The following MTHFD1 variants were observed in gnomAD, a reference collection of about 807,000 sequenced individuals.
MTHFD1 encodes methylenetetrahydrofolate dehydrogenase, cyclohydrolase and formyltetrahydrofolate synthetase 1.
A neutral mutation model predicts 110.3 loss-of-function variants in MTHFD1; 44 were observed. The observed-to-expected ratio is 0.40, with a 90% CI of 0.31 to 0.51. The LOEUF (loss-of-function observed/expected upper bound fraction) is 0.51. Ranked by LOEUF, MTHFD1 falls within the 20% of genes least tolerant of loss-of-function variation. The probability of loss-of-function intolerance (pLI) is 0.60; values close to 1 mark genes in which losing one functional copy is unlikely to be tolerated. For missense variants in MTHFD1, 909 were observed against 1,173.1 expected, an observed-to-expected ratio of 0.77 and a Z score of 3.29; for synonymous variants, 402 against 428.8, an observed-to-expected ratio of 0.94 and a Z score of 0.77.
intron 16 of MTHFD1, among the ~76,000 whole-genome samples, chr14:64,437,551 T>G (rs2078215710): frequency 6.6e-6 from 1 of 152,198 alleles, no homozygotes; most frequent in Admixed American, 6.5e-5. Context: ...AACTCAATTC[T>G]GACACTAACT....
intron 1 of MTHFD1, among the ~76,000 whole-genome samples, chr14:64,394,259 G>T (rs2077829688): frequency 6.6e-6 from 1 of 152,036 alleles, no homozygotes. Context: ...TAAGTGACTT[G>T]CCCAGGTGTT....
At chr14:64,409,919 G>A (rs759856764) in intron 2 of MTHFD1, among the ~76,000 whole-genome samples, 9 of 152,144 alleles carry the variant, frequency 5.9e-5, no homozygotes, top group Non-Finnish European at 1.2e-4. Flanking sequence ...CCATGGTCCT[G>A]TTAAAAGGAG....
At chr14:64,436,554 T>G (rs2140971801) in intron 16 of MTHFD1, among the ~76,000 whole-genome samples, 1 of 152,356 alleles carries the variant, frequency 6.6e-6, no homozygotes, top group East Asian at 1.9e-4. Flanking sequence ...GATTTCACTT[T>G]GCATCAACAA....
intron 2 of MTHFD1, among the ~76,000 whole-genome samples, chr14:64,409,361 A>G (rs1253555848): frequency 6.6e-6 from 1 of 152,246 alleles, no homozygotes; most frequent in Non-Finnish European, 1.5e-5. Context: ...TACTTGAAAC[A>G]TGAATGAAGA....
chr14:64,411,772 A>G (rs911238173), intron 3 of MTHFD1, among the ~76,000 whole-genome samples: 43 of 152,212 alleles, frequency 2.8e-4, no homozygotes, highest in African/African-American at 9.4e-4. Flanking sequence ...GTGGTGGCGC[A>G]TGCCTGTAAT....
intron 1 of MTHFD1, among the ~76,000 whole-genome samples, chr14:64,394,361 TCCAGCAGGAGACAC>T (rs953607593): frequency 6.6e-6 from 1 of 152,094 alleles, no homozygotes; most frequent in Admixed American, 6.6e-5. Context: ...ACTTCTACCC[TCCAGCAGGAGACAC>T]CCTGGGTTTG....
In MTHFD1 at chr14:64,454,890, C is replaced by T; in HGVS notation, c.2718+15C>T. Reference sequence around the variant, plus strand: ...TAGTAGGAACGGTAAGTGCATGCTGCAAGGGAGTAGTGGGCGCATCTGCAC... The same window carrying T: ...TAGTAGGAACGGTAAGTGCATGCTGTAAGGGAGTAGTGGGCGCATCTGCAC... On this transcript the variant is annotated intron_variant, in intron 26 of 27. Coordinates refer to ENST00000652337, the MANE Select transcript of MTHFD1 (RefSeq NM_005956.4). 6.2e-7 allele frequency: 1 copy of T among 1,613,774 alleles called. No homozygotes were observed. Among genetic ancestry groups the T allele is most frequent in the South Asian group, 1.1e-5 (1 of 91,068 alleles).
At position 64,440,115 on chromosome 14, in the gene MTHFD1, C is replaced by T. The variant is rs748137167; in HGVS notation, c.1675-11C>T. The T allele has an allele frequency of 6.2e-7, 1 of 1,610,298 alleles. No individual in the cohort carries two copies. The highest frequency in any genetic ancestry group is 8.5e-7 in the Non-Finnish European group (1 of 1,178,086). The stretch of plus-strand genomic sequence containing the variant: ...AAAGTTTTTGCTAGTACCTCTTTTC[C>T]CTGCCCACAGGCCCAGTTTGATATC... On this transcript the variant is annotated splice_polypyrimidine_tract_variant and intron_variant, in intron 17 of 27. Transcript: ENST00000652337.
Position 64,453,803 on chromosome 14 carries a change from C to G in MTHFD1, c.2507C>G (p.Ala836Gly). 3.1e-6 allele frequency: 5 copies of G among 1,613,054 alleles called. No individual in the cohort carries two copies. Among genetic ancestry groups the G allele is most frequent in the Non-Finnish European group, 4.2e-6 (5 of 1,179,114 alleles). ...ATCATTGCACAGAAGATCTATGGAG[C>G]AGATGACATTGAATTACTTCCCGAA... is the stretch of plus-strand genomic sequence containing the variant. Reference protein sequence around the residue: ...IRIIAQKIYGADDIELLPEAQ... With the variant: ...IRIIAQKIYGGDDIELLPEAQ... The change falls in exon 25 of 28, where the codon GCA becomes GGA. Residue 836 changes from alanine (A) to glycine (G), a missense_variant. Around this residue, in one of 3 missense-constraint regions of MTHFD1, gnomAD observed 482 missense variants for 646.0 expected, o/e 0.75. Coordinates refer to ENST00000652337, the MANE Select transcript of MTHFD1 (RefSeq NM_005956.4).
chr14:64,423,761 C>G (rs539622697), intron 8 of MTHFD1, among the ~76,000 whole-genome samples: 1 of 150,130 alleles, frequency 6.7e-6, no homozygotes, highest in African/African-American at 2.5e-5. Flanking sequence ...GAGTCTCGCT[C>G]TGTTGCCCAG....
At chr14:64,421,556 C>T (rs999891531) in intron 8 of MTHFD1, among the ~76,000 whole-genome samples, 2 of 152,218 alleles carry the variant, frequency 1.3e-5, no homozygotes, top group African/African-American at 4.8e-5. Flanking sequence ...TGCTCTCCTA[C>T]AACTCCTCAC....
chr14:64,408,285 C>CCTTTTTTTTTTTTTTT (rs34166790), intron 2 of MTHFD1, among the ~76,000 whole-genome samples: 2 of 121,208 alleles, frequency 1.7e-5, no homozygotes, highest in African/African-American at 3.3e-5. Flanking sequence ...AATCAGCATT[C>CCTTTTTTTTTTTTTTT]TTTTTTTTTT....
At chr14:64,445,092 TG>T in intron 22 of MTHFD1, 1 of 363,828 alleles carries the variant, frequency 2.7e-6, no homozygotes, top group Non-Finnish European at 5.3e-6. Context: ...CTGGGGATGC[TG>T]GCTAAACATC....
intron 8 of MTHFD1, among the ~76,000 whole-genome samples, chr14:64,424,589 G>A (rs987893108): frequency 2.0e-5 from 3 of 152,166 alleles, no homozygotes; most frequent in Admixed American, 6.5e-5. Flanking sequence ...TCCAGGTTCT[G>A]TAAAACCACT....
intron 12 of MTHFD1, 108 bp downstream of exon 12, chr14:64,427,581 C>T (rs2078127642): frequency 1.8e-6 from 2 of 1,096,720 alleles, no homozygotes; most frequent in Admixed American, 1.7e-5. Context: ...CTCATTTCAA[C>T]ACCAGGAATG....
intron 11 of MTHFD1, among the ~76,000 whole-genome samples, chr14:64,426,826 T>C (rs2078122736): frequency 1.3e-5 from 2 of 152,174 alleles, no homozygotes; most frequent in Admixed American, 1.3e-4. Flanking sequence ...AAGCATTCAT[T>C]TTTATTGCTG....
At chr14:64,430,067 A>C in intron 12 of MTHFD1, 117 bp from the exon 13 acceptor site, 1 of 944,408 alleles carries the variant, frequency 1.1e-6, no homozygotes, top group South Asian at 1.3e-5. Flanking sequence ...AAATGATTCT[A>C]AAAAATAAAT....
chr14:64,421,882 C>T (rs1280755585), intron 8 of MTHFD1, among the ~76,000 whole-genome samples: 1 of 152,142 alleles, frequency 6.6e-6, no homozygotes, highest in Non-Finnish European at 1.5e-5. Flanking sequence ...ACCTTTGCCT[C>T]CCAAAGTGCT....
chr14:64,453,969 G>A, intron 25 of MTHFD1, 108 bp downstream of exon 25: 1 of 732,814 alleles, frequency 1.4e-6, no homozygotes, highest in Non-Finnish European at 2.5e-6. Flanking sequence ...TCACTTCTCT[G>A]GGTGGCAGCC....
Sources: gnomAD v4.1 joint callset for allele counts (sites outside exome capture counted in the v4.1 genomes callset) on GRCh38, gnomAD v4.1.1 for gene constraint, gnomAD v4.1.1 regional missense constraint, MANE v1.5 for transcripts, NCBI Gene and HGNC (gene_info 2026-07-23, HGNC 2026-07-21) for gene names.